ZNF425: variants seen among roughly 807,000 people sequenced by gnomAD.
ZNF425 encodes zinc finger protein 425.
In ZNF425, 21 loss-of-function variants were observed where a neutral mutation model predicts 17.0. The ratio of observed to expected loss-of-function variants is 1.23; its 90% CI spans 0.88 to 1.78. The LOEUF (loss-of-function observed/expected upper bound fraction) is 1.78. Ranked by LOEUF, ZNF425 falls within the 40% of genes most tolerant of loss-of-function variation. The pLI is 0.00. For synonymous variants in ZNF425, 433 were observed against 384.1 expected, an observed-to-expected ratio of 1.13 and a Z score of -1.49; for missense variants, 868 against 967.3, an observed-to-expected ratio of 0.90 and a Z score of 1.36.
At chr7:149,107,025 T>G (rs571223288) in intron 3 of ZNF425, among the ~76,000 whole-genome samples, 1 of 151,254 alleles carries the variant, frequency 6.6e-6, no homozygotes, top group African/African-American at 2.4e-5. Context: ...GAGCATCTCT[T>G]GAACCCAGGA....
At chr7:149,109,725 T>G (rs1191653858) in intron 3 of ZNF425, among the ~76,000 whole-genome samples, 1 of 152,216 alleles carries the variant, frequency 6.6e-6, no homozygotes, top group Non-Finnish European at 1.5e-5. Flanking sequence ...GTTTTATTCA[T>G]ATGTATACAT....
rs1352535862 is a variant in ZNF425, at chr7:149,104,721, T to C, written c.1150A>G (p.Lys384Glu). The C allele has an allele frequency of 7.4e-6, 12 of 1,613,308 alleles. No homozygotes were observed. The highest frequency in any genetic ancestry group is 1.0e-5 in the Non-Finnish European group (12 of 1,179,996). ...CCACATTCACCACAAGAAAACGGCT[T>C]TTCCTCGCTGTGCGTCCTCTGGTGG... ...KTHQRTHSEE[K>E]PFSCGECGRK... is the part of the protein sequence containing the mutation. Residue 384 changes from lysine (K) to glutamate (E), a missense_variant, in exon 4 of 4, where the codon AAG becomes GAG. Physicochemically the swap from Lys to Glu is moderately conservative, Grantham distance 56 (BLOSUM62 1). Around this residue, in one of 5 missense-constraint regions of ZNF425, gnomAD observed 243 missense variants for 265.2 expected, o/e 0.92. Coordinates refer to ENST00000378061, the MANE Select transcript of ZNF425 (RefSeq NM_001001661.3). This position sits in a 1 kb window ranked among gnomAD's most constrained non-coding sequence, Gnocchi z 4.3.
intron 1 of ZNF425, among the ~76,000 whole-genome samples, chr7:149,119,057 T>A (rs143439540): frequency 0.036 from 5,481 of 151,848 alleles, 315 homozygotes; most frequent in African/African-American, 0.12. Flanking sequence ...CCCAGCTACT[T>A]GGGAGGCTGA....
At chr7:149,117,642 CTTTTTTTTTTTTT>C (rs869026303) in intron 2 of ZNF425, among the ~76,000 whole-genome samples, 3 of 54,958 alleles carry the variant, frequency 5.5e-5, no homozygotes, top group African/African-American at 7.6e-5. Flanking sequence ...CTTAGTAATT[CTTTTTTTTTTTTT>C]TTTTTTTTTT....
chr7:149,104,708 C>T lies in ZNF425; in HGVS notation c.1163G>A (p.Cys388Tyr). ...RTHSEEKPFS[C>Y]GECGRKFIYK... is the part of the protein sequence containing the mutation. ...GATGAATTTCCTGCCACATTCACCACAAGAAAACGGCTTTTCCTCGCTGTG... is the reference window on the plus strand; with the variant it reads ...GATGAATTTCCTGCCACATTCACCATAAGAAAACGGCTTTTCCTCGCTGTG... The change falls in exon 4 of 4, where the codon TGT (cysteine) becomes TAT (tyrosine). Residue 388 changes from cysteine (C) to tyrosine (Y), a missense_variant. By Grantham distance (194) the Cys-to-Tyr change is radical. Around this residue, in one of 5 missense-constraint regions of ZNF425, gnomAD observed 243 missense variants for 265.2 expected, o/e 0.92. Transcript: ENST00000378061. This position sits in a 1 kb window ranked among gnomAD's most constrained non-coding sequence, Gnocchi z 4.3. 6.2e-7 allele frequency: 1 copy of T among 1,613,710 alleles called. No homozygotes were observed. The highest frequency in any genetic ancestry group is 8.5e-7 in the Non-Finnish European group (1 of 1,180,022).
intron 1 of ZNF425, among the ~76,000 whole-genome samples, chr7:149,120,312 G>A (rs572911773): frequency 6.6e-6 from 1 of 152,158 alleles, no homozygotes; most frequent in South Asian, 2.1e-4. Flanking sequence ...AACCTGGGAG[G>A]CGTAGTTGGC....
chr7:149,107,312 G>GATTTATTTATTT (rs915413085), intron 3 of ZNF425, among the ~76,000 whole-genome samples: 1 of 147,180 alleles, frequency 6.8e-6, no homozygotes, highest in African/African-American at 2.5e-5. Flanking sequence ...TTATAAGAAT[G>GATTTATTTATTT]ATTTATTTAT....
chr7:149,108,381 G>A (rs188280911), intron 3 of ZNF425, among the ~76,000 whole-genome samples: 300 of 152,252 alleles, frequency 2.0e-3, no homozygotes, highest in African/African-American at 6.8e-3. Context: ...GATTTAGTAA[G>A]TTAACACTAA....
chr7:149,104,581 T>G lies in ZNF425; in HGVS notation c.1290A>C (p.Lys430Asn). 6.2e-7 allele frequency: 1 copy of G among 1,613,876 alleles called. No homozygotes were observed. Among genetic ancestry groups the G allele is most frequent in the Non-Finnish European group, 8.5e-7 (1 of 1,179,954 alleles). ...TCCCAATGTGCTGCAGCCCGTGGGC[T>G]TTCAGGCTTCTCTTGAGGCGGAAAC... ...NKSFRLKRSL[K>N]AHGLQHIGKR... Residue 430 changes from lysine (K) to asparagine (N), a missense_variant, in exon 4 of 4, where the codon AAA (lysine) becomes AAC (asparagine). Lys to Asn is a moderately conservative substitution (Grantham distance 94). This residue lies in a region of ZNF425 where 437 missense variants were observed against 444.2 expected (regional missense o/e 0.98). Coordinates refer to ENST00000378061, the MANE Select transcript of ZNF425 (RefSeq NM_001001661.3). This position sits in a 1 kb window ranked among gnomAD's most constrained non-coding sequence, Gnocchi z 4.3.
At position 149,103,910 on chromosome 7, in the gene ZNF425, G is replaced by C; in HGVS notation, c.1961C>G (p.Thr654Arg). 6.2e-7 allele frequency: 1 copy of C among 1,614,050 alleles called. No homozygotes were observed. The highest frequency in any genetic ancestry group is 8.5e-7 in the Non-Finnish European group (1 of 1,180,026). Reference sequence around the variant, plus strand: ...CCCGCTGTGGACTCGAATGTGTTCTGTGAGCCGGTACTGTTGAGTGAAACT... The same window carrying C: ...CCCGCTGTGGACTCGAATGTGTTCTCTGAGCCGGTACTGTTGAGTGAAACT... ...GKSFTQQYRL[T>R]EHIRVHSGEK... The change falls in exon 4 of 4, where the codon ACA (threonine) becomes AGA (arginine). Residue 654 changes from threonine (T) to arginine (R), a missense_variant. Thr to Arg is a moderately conservative substitution (Grantham distance 71, BLOSUM62 -1). Around this residue, in one of 5 missense-constraint regions of ZNF425, gnomAD observed 437 missense variants for 444.2 expected, o/e 0.98. Coordinates refer to ENST00000378061, the MANE Select transcript of ZNF425 (RefSeq NM_001001661.3).
At chr7:149,111,979 G>T in intron 3 of ZNF425, 158 bp downstream of exon 3, 1 of 658,958 alleles carries the variant, frequency 1.5e-6, no homozygotes, top group Non-Finnish European at 2.5e-6. Context: ...ACCACGCCCA[G>T]CCCACATTTG....
Position 149,104,924 on chromosome 7 carries a change from T to C in ZNF425, c.947A>G (p.Glu316Gly). ...ECGRAFVQQC[E>G]LTEHLRLHSG... The stretch of plus-strand genomic sequence containing the variant: ...GTGCAGCCGCAAGTGCTCCGTGAGC[T>C]CGCACTGCTGCACGAAGGCCCGGCC... Residue 316 changes from glutamate to glycine, a missense_variant, in exon 4 of 4, where the codon GAG becomes GGG. Glu to Gly is a moderately conservative substitution (Grantham distance 98). Coordinates refer to ENST00000378061, the MANE Select transcript of ZNF425 (RefSeq NM_001001661.3). The surrounding 1 kb of genome is among the most constrained non-coding windows in gnomAD (Gnocchi z 4.3). 6.2e-7 allele frequency: 1 copy of C among 1,613,802 alleles called. No individual in the cohort carries two copies. Among genetic ancestry groups the C allele is most frequent in the Non-Finnish European group, 8.5e-7 (1 of 1,179,980 alleles).
intron 3 of ZNF425, among the ~76,000 whole-genome samples, chr7:149,109,762 C>T (rs756795671): frequency 6.1e-4 from 93 of 152,018 alleles, no homozygotes; most frequent in Non-Finnish European, 1.3e-3. Context: ...AAGTTTTTGC[C>T]CTCGCCTAAC....
chr7:149,112,066 C>A, intron 3 of ZNF425, 71 bp downstream of exon 3: 1 of 1,496,628 alleles, frequency 6.7e-7, no homozygotes, highest in South Asian at 1.3e-5. Flanking sequence ...GTCAGATATC[C>A]AAAAAGAAAG....
chr7:149,107,880 T>TTTATTTA (rs1826107180), intron 3 of ZNF425, among the ~76,000 whole-genome samples: 1 of 55,540 alleles, frequency 1.8e-5, no homozygotes, highest in East Asian at 6.3e-4. Context: ...TTATTTATTT[T>TTTATTTA]TGAGCTAGGT....
chr7:149,105,314 C>T lies in ZNF425; in HGVS notation c.557G>A (p.Gly186Glu), dbSNP rs1225843457. The T allele has an allele frequency of 6.2e-7, 1 of 1,613,968 alleles. No individual in the cohort carries two copies. Among genetic ancestry groups the T allele is most frequent in the African/African-American group, 1.3e-5 (1 of 74,894 alleles). Residue 186 changes from glycine to glutamate, a missense_variant, in exon 4 of 4, where the codon GGG (glycine) becomes GAG (glutamate). This residue lies in a region of ZNF425 where 4 missense variants were observed against 20.2 expected (regional missense o/e 0.20). Transcript: ENST00000378061. ...ETPGRLEIPT[G>E]PRCYSCYVCR... is the part of the protein sequence containing the mutation. The stretch of plus-strand genomic sequence containing the variant: ...GACATAGCAGGAATAGCATCTTGGC[C>T]CTGTGGGAATTTCTAAGCGCCCTGG...
intron 1 of ZNF425, chr7:149,118,580 A>G: frequency 2.1e-6 from 1 of 481,548 alleles, no homozygotes; most frequent in East Asian, 4.3e-5. Flanking sequence ...TGGGAGGCCA[A>G]AGTGGGTGGA....
intron 1 of ZNF425, among the ~76,000 whole-genome samples, chr7:149,124,377 G>C (rs903402251): frequency 2.0e-5 from 3 of 151,748 alleles, no homozygotes; most frequent in African/African-American, 2.4e-5. Context: ...GGATGGTCTC[G>C]ATCTCCTGAC....
chr7:149,104,969 G>A lies in ZNF425; in HGVS notation c.902C>T (p.Pro301Leu), dbSNP rs1346964822. 6.2e-6 allele frequency: 10 copies of A among 1,614,020 alleles called. No individual in the cohort carries two copies. The highest frequency in any genetic ancestry group is 1.7e-5 in the Admixed American group (1 of 60,008). The change falls in exon 4 of 4, where the codon CCG (proline) becomes CTG (leucine). Residue 301 changes from proline (P) to leucine (L), a missense_variant. Around this residue, in one of 5 missense-constraint regions of ZNF425, gnomAD observed 243 missense variants for 265.2 expected, o/e 0.92. Coordinates refer to ENST00000378061, the MANE Select transcript of ZNF425 (RefSeq NM_001001661.3). This position sits in a 1 kb window ranked among gnomAD's most constrained non-coding sequence, Gnocchi z 4.3. ...CCGGCCGCACTCCCCGCAGCAGAAC[G>A]GCCGCTCCCCGCGGTGTAGACACAG... is the stretch of plus-strand genomic sequence containing the variant. ...KHLCLHRGER[P>L]FCCGECGRAF... is the part of the protein sequence containing the mutation.
Sources: gnomAD v4.1 joint callset for allele counts (sites outside exome capture counted in the v4.1 genomes callset) on GRCh38, gnomAD v4.1.1 for gene constraint, gnomAD v4.1.1 regional missense constraint, Gnocchi (gnomAD v3.1) non-coding constraint, MANE v1.5 for transcripts, NCBI Gene and HGNC (gene_info 2026-07-23, HGNC 2026-07-21) for gene names.